Variants in CPA3 observed in about 807,000 individuals in gnomAD.
The protein encoded by CPA3 is mast cell carboxypeptidase A.
Under a neutral mutation model 55.8 loss-of-function variants are expected in CPA3, and 52 were observed. The observed-to-expected ratio is 0.93, with a 90% CI of 0.75 to 1.17. The LOEUF is 1.17. CPA3 is among the 50% of genes most tolerant of loss of function. CPA3 has a pLI of 0.00. For missense variants in CPA3, 547 were observed against 509.1 expected (o/e 1.07, Z -0.72); for synonymous variants, 179 against 171.2 (o/e 1.05, Z -0.36).
Position 148,886,416 on chromosome 3 carries a change from G to A in CPA3, c.1066+239G>A, listed in dbSNP as rs139138637. Among the ~76,000 whole-genome samples, 63 of 152,164 alleles carry A rather than the reference G, an allele frequency of 4.1e-4. No individual in the cohort carries two copies. In the East Asian group the frequency reaches 0.011, roughly 27 times the overall value. On this transcript the variant is annotated intron_variant, in intron 10 of 10. Coordinates refer to ENST00000296046, the MANE Select transcript of CPA3 (RefSeq NM_001870.4). Reference sequence around the variant, plus strand: ...ACTTTTACAGGGTTACAAGGTCAACGGAAGCTATTAAGTCAAGACAGATTT... The same window carrying A: ...ACTTTTACAGGGTTACAAGGTCAACAGAAGCTATTAAGTCAAGACAGATTT...
Position 148,883,752 on chromosome 3 carries a change from C to T in CPA3, c.918C>T (p.Tyr306=), listed in dbSNP as rs374063108. 1 of 1,614,092 alleles carries T rather than the reference C, an allele frequency of 6.2e-7. No individual in the cohort carries two copies. Among genetic ancestry groups the T allele is most frequent in the Non-Finnish European group, 8.5e-7 (1 of 1,179,952 alleles). The change falls in exon 9 of 11, where the codon TAC becomes TAT. Residue 306 remains tyrosine (Y), a synonymous_variant. Coordinates refer to ENST00000296046, the MANE Select transcript of CPA3 (RefSeq NM_001870.4). ...AGGTTTACATCACCTTCCATTCCTA[C>T]TCCCAGATGCTATTGTTTCCCTATG... ...EIKVYITFHS[Y]SQMLLFPYGY...
chr3:148,885,560 G>A lies in CPA3; in HGVS notation c.982-533G>A, dbSNP rs148791755. ...CAAGTAGCTGAGACTACAGGCACAT[G>A]GCACCACCCCCAGCTAATTTTTTGT... On this transcript the variant is annotated intron_variant, in intron 9 of 10. Transcript: ENST00000296046. Among the ~76,000 whole-genome samples the A allele has an allele frequency of 2.3e-4, 35 of 151,608 alleles. No homozygotes were observed. The East Asian group carries it at 6.7e-3, about 29-fold the overall frequency.
intron 2 of CPA3, among the ~76,000 whole-genome samples, chr3:148,867,245 G>A (rs1713927117): frequency 6.6e-6 from 1 of 152,088 alleles, no homozygotes; most frequent in Non-Finnish European, 1.5e-5. Context: ...CTTTTGACCT[G>A]GGTAAGTCCT....
At chr3:148,889,678 T>TA (rs1714617855) in intron 10 of CPA3, among the ~76,000 whole-genome samples, 1 of 151,922 alleles carries the variant, frequency 6.6e-6, no homozygotes, top group Non-Finnish European at 1.5e-5. Context: ...GAGACCAGTC[T>TA]GGCCAACATG....
chr3:148,894,937 T>C (rs962885062), intron 10 of CPA3, among the ~76,000 whole-genome samples: 3 of 152,188 alleles, frequency 2.0e-5, no homozygotes, highest in African/African-American at 7.2e-5. Context: ...TGAGTTCCCA[T>C]TTAACAGTAT....
chr3:148,870,626 C>T (rs925941564), intron 3 of CPA3, among the ~76,000 whole-genome samples: 1 of 151,972 alleles, frequency 6.6e-6, no homozygotes, highest in Non-Finnish European at 1.5e-5. Context: ...ATATAATTCA[C>T]GCTGTGCACA....
chr3:148,889,438 G>GA (rs1367054608), intron 10 of CPA3, among the ~76,000 whole-genome samples: 1 of 151,886 alleles, frequency 6.6e-6, no homozygotes, highest in Non-Finnish European at 1.5e-5. Flanking sequence ...CTGGCCTTTA[G>GA]AAAAAAATAT....
intron 9 of CPA3, among the ~76,000 whole-genome samples, chr3:148,884,440 A>G (rs1197801059): frequency 1.3e-5 from 2 of 152,208 alleles, no homozygotes; most frequent in Non-Finnish European, 2.9e-5. Flanking sequence ...GAATGGGTGC[A>G]TAGAGGGATA....
rs1225924791 is a variant in CPA3, at chr3:148,891,485, C to CAT, written c.1067-5034_1067-5033insTA. ...ACAGAGCAAGACCCTGTCACATACA[C>CAT]ACACACACACACACACACACACACA... On this transcript the variant is annotated intron_variant, in intron 10 of 10. Coordinates refer to ENST00000296046, the MANE Select transcript of CPA3 (RefSeq NM_001870.4). Among the ~76,000 whole-genome samples, 3 of 52,858 alleles carry CAT rather than the reference C, an allele frequency of 5.7e-5. No homozygotes were observed. In the East Asian group the frequency reaches 1.6e-3, roughly 29 times the overall value. The allele number at this position is 52,858 out of a possible 152,430, so 34.7% of individuals were successfully genotyped here.
Position 148,882,495 on chromosome 3 carries a change from A to C in CPA3, c.688-10A>C. The stretch of plus-strand genomic sequence containing the variant: ...TCTTGTGTAAACACTTACGTCATTC[A>C]ATCTGGCAGAACCGCATGTGGAGAA... On this transcript the variant is annotated splice_polypyrimidine_tract_variant and intron_variant, in intron 7 of 10. Coordinates refer to ENST00000296046, the MANE Select transcript of CPA3 (RefSeq NM_001870.4). The C allele has an allele frequency of 6.2e-7, 1 of 1,611,708 alleles. No homozygotes were observed. Among genetic ancestry groups the C allele is most frequent in the Non-Finnish European group, 8.5e-7 (1 of 1,177,974 alleles).
chr3:148,884,235 A>G lies in CPA3; in HGVS notation c.981+420A>G, dbSNP rs112816070. 5.9e-3 allele frequency among the ~76,000 whole-genome samples: 893 copies of G among 152,290 alleles called. 5 individuals carry two copies. Among genetic ancestry groups the G allele is most frequent in the African/African-American group, 0.02 (839 of 41,556 alleles). ...ATACATTGTATTTTTATCCTGATCAACTTGGAAATTATATTCTTTTACAAT... is the reference window on the plus strand; with the variant it reads ...ATACATTGTATTTTTATCCTGATCAGCTTGGAAATTATATTCTTTTACAAT... On this transcript the variant is annotated intron_variant, in intron 9 of 10. Coordinates refer to ENST00000296046, the MANE Select transcript of CPA3 (RefSeq NM_001870.4).
chr3:148,868,310 C>T (rs149200872), intron 2 of CPA3, among the ~76,000 whole-genome samples: 114 of 152,194 alleles, frequency 7.5e-4, no homozygotes, highest in South Asian at 4.2e-3. Context: ...GTCTTCATGC[C>T]CCAGACCTCA....
At chr3:148,892,550 G>A (rs1295428326) in intron 10 of CPA3, among the ~76,000 whole-genome samples, 6 of 152,036 alleles carry the variant, frequency 3.9e-5, no homozygotes, top group African/African-American at 1.4e-4. Context: ...CTACTCAAGA[G>A]GCCGAGGCAG....
intron 10 of CPA3, among the ~76,000 whole-genome samples, chr3:148,892,744 G>A (rs545146874): frequency 2.6e-5 from 4 of 151,998 alleles, no homozygotes; most frequent in South Asian, 2.1e-4. Flanking sequence ...TTGGGAGGCC[G>A]AGGTAGGCAG....
intron 3 of CPA3, among the ~76,000 whole-genome samples, chr3:148,871,714 T>G (rs1714071478): frequency 1.3e-5 from 2 of 152,202 alleles, no homozygotes; most frequent in Non-Finnish European, 2.9e-5. Flanking sequence ...AAAAATTGGT[T>G]TTATCAAATT....
chr3:148,886,294 C>T (rs893552857), intron 10 of CPA3, 117 bp downstream of exon 10: 52 of 664,980 alleles, frequency 7.8e-5, no homozygotes, highest in Non-Finnish European at 1.2e-4. Flanking sequence ...AATTTAAATT[C>T]TACTTTTTAC....
intron 10 of CPA3, among the ~76,000 whole-genome samples, chr3:148,891,214 G>T (rs1273535125): frequency 1.3e-5 from 2 of 152,124 alleles, no homozygotes; most frequent in East Asian, 3.8e-4. Context: ...GCACATAGAA[G>T]GGTACTTGGT....
rs957370500 is a variant in CPA3 at position 148,868,238 on chromosome 3, C to T, written c.145-677C>T. Among the ~76,000 whole-genome samples, 17 of 150,640 alleles carry T rather than the reference C, an allele frequency of 1.1e-4. 1 individual carries two copies. The highest frequency in any genetic ancestry group is 4.1e-4 in the African/African-American group (17 of 41,098). On this transcript the variant is annotated intron_variant, in intron 2 of 10. Coordinates refer to ENST00000296046, the MANE Select transcript of CPA3 (RefSeq NM_001870.4). ...ATGCTATACTTCTGAGCTCATATAC[C>T]AAATTTTTGAAATTGTCAGCTAGAG...
chr3:148,895,183 G>A lies in CPA3; in HGVS notation c.1067-1337G>A, dbSNP rs1714791180. 3.9e-5 allele frequency among the ~76,000 whole-genome samples: 6 copies of A among 152,224 alleles called. No individual in the cohort carries two copies. The South Asian group carries it at 1.2e-3, about 32-fold the overall frequency. The stretch of plus-strand genomic sequence containing the variant: ...AGTCCCGATTCACAAGGTTTTCCAA[G>A]CTTTACTCACAAACTCTCACTGCTC... On this transcript the variant is annotated intron_variant, in intron 10 of 10. Coordinates refer to ENST00000296046, the MANE Select transcript of CPA3 (RefSeq NM_001870.4).
Sources: gnomAD v4.1 joint callset for allele counts (sites outside exome capture counted in the v4.1 genomes callset) on GRCh38, gnomAD v4.1.1 for gene constraint, MANE v1.5 for transcripts, NCBI Gene and HGNC (gene_info 2026-07-23, HGNC 2026-07-21) for gene names.